Variants in CNOT1 observed in about 807,000 individuals in gnomAD.
The protein encoded by CNOT1 is CCR4-associated factor 1.
A neutral mutation model predicts 273.8 loss-of-function variants in CNOT1; 15 were observed. The ratio of observed to expected loss-of-function variants is 0.05; its 90% confidence interval spans 0.04 to 0.08. CNOT1 has a LOEUF of 0.08. Among genes scored for constraint, CNOT1 ranks in the 10% least tolerant of loss-of-function variants. The probability of loss-of-function intolerance (pLI) is 1.00; values close to 1 mark genes in which losing one functional copy is unlikely to be tolerated. For synonymous variants in CNOT1, 1,022 were observed against 1,005.5 expected, an observed-to-expected ratio of 1.02 and a Z score of -0.31; for missense variants, 1,644 against 2,912.2, an observed-to-expected ratio of 0.56 and a Z score of 10.02.
chr16:58,540,024 G>A, intron 34 of CNOT1, 65 bp from the exon 35 acceptor site: 3 of 1,500,288 alleles, frequency 2.0e-6, no homozygotes, highest in South Asian at 2.6e-5. Context: ...ATTGACACAT[G>A]TATCAAATAG....
At chr16:58,618,372 A>G (rs1406913004) in intron 1 of CNOT1, among the ~76,000 whole-genome samples, 1 of 152,104 alleles carries the variant, frequency 6.6e-6, no homozygotes, top group Non-Finnish European at 1.5e-5. Flanking sequence ...TCACGAGGTC[A>G]GGAGTTCGAG....
chr16:58,530,964 A>C (rs1450498920), intron 42 of CNOT1, among the ~76,000 whole-genome samples: 1 of 152,182 alleles, frequency 6.6e-6, no homozygotes. Context: ...AACTTCCGAG[A>C]GAACACAAAA....
At chr16:58,599,995 A>T (rs1345245170) in intron 1 of CNOT1, among the ~76,000 whole-genome samples, 1 of 151,722 alleles carries the variant, frequency 6.6e-6, no homozygotes, top group African/African-American at 2.4e-5. Flanking sequence ...ACTAGGAGGC[A>T]GAGGGTGCAG....
In CNOT1 at chr16:58,520,999, T is replaced by G; in HGVS notation, c.7090A>C (p.Lys2364Gln). 3 of 1,614,086 alleles carry G rather than the reference T, an allele frequency of 1.9e-6. No homozygotes were observed. Among genetic ancestry groups the G allele is most frequent in the Non-Finnish European group, 2.5e-6 (3 of 1,180,042 alleles). ...CCTTCCATTACTTGCTGGGCCTGCT[T>G]CTGTCCCATGCAGCACTGTGCGACC... is the stretch of plus-strand genomic sequence containing the variant. ...QSVAQCCMGQ[K>Q]QAQQVMEGTG... The change falls in exon 49 of 49, where the codon AAG becomes CAG. Residue 2364 changes from lysine to glutamine, a missense_variant. Coordinates refer to ENST00000317147, the MANE Select transcript of CNOT1 (RefSeq NM_016284.5).
intron 12 of CNOT1, among the ~76,000 whole-genome samples, chr16:58,579,196 A>G (rs888766102): frequency 2.6e-5 from 4 of 152,204 alleles, no homozygotes; most frequent in African/African-American, 9.7e-5. Flanking sequence ...AATGAAGTAA[A>G]CACCATGAGA....
chr16:58,624,691 G>C (rs1396931708), intron 1 of CNOT1: 1 of 152,030 alleles, frequency 6.6e-6, no homozygotes, highest in African/African-American at 2.4e-5. Flanking sequence ...CCAGCTACTC[G>C]GGAGGCTGAG....
chr16:58,557,540 G>A (rs35832551), intron 18 of CNOT1, among the ~76,000 whole-genome samples: 1 of 152,138 alleles, frequency 6.6e-6, no homozygotes, highest in Non-Finnish European at 1.5e-5. Flanking sequence ...TGACAACATG[G>A]AAGTCCTTAG....
rs116079966 is a variant in CNOT1, at chr16:58,525,410, A to G, written c.6604-51T>C. 14 of 1,494,426 alleles carry G rather than the reference A, an allele frequency of 9.4e-6. No individual in the cohort carries two copies. In the African/African-American group the frequency reaches 1.9e-4, roughly 21 times the overall value. The allele number at this position is 1,494,426 out of a possible 1,614,324, so 92.6% of individuals were successfully genotyped here. ...TTATGCTTACTCCTGCAGAGGACCA[A>G]TTCTAGCACCAGTATTTCTAAACCC... On this transcript the variant is annotated intron_variant, in intron 45 of 48. Transcript: ENST00000317147.
chr16:58,620,023 T>C (rs1218530683), intron 1 of CNOT1, among the ~76,000 whole-genome samples: 1 of 152,104 alleles, frequency 6.6e-6, no homozygotes, highest in Non-Finnish European at 1.5e-5. Context: ...TCCTCTGAAA[T>C]GTTACTTGCT....
intron 29 of CNOT1, among the ~76,000 whole-genome samples, 189 bp from the exon 30 acceptor site, chr16:58,545,680 C>T (rs369577038): frequency 1.8e-4 from 27 of 152,272 alleles, no homozygotes; most frequent in South Asian, 6.2e-4. Context: ...GAGATATACA[C>T]GAAGTATGTT....
In CNOT1 at chr16:58,519,964, T is replaced by C. The variant is rs2039305479; in HGVS notation, c.*994A>G. ...AGTGGACTCATGTGTGTGTCATGAC[T>C]TTAATGGTTAGCTACAGTATGCATA... On this transcript the variant is annotated 3_prime_UTR_variant, in exon 49 of 49. Transcript: ENST00000317147. The C allele has an allele frequency of 6.6e-6, 1 of 152,220 alleles. No homozygotes were observed. The highest frequency in any genetic ancestry group is 2.1e-4 in the South Asian group (1 of 4,832). 9.4% of individuals were successfully genotyped at this position (152,220 alleles called of 1,614,324 possible).
intron 44 of CNOT1, 79 bp from the exon 45 acceptor site, chr16:58,526,217 T>C: frequency 6.6e-7 from 1 of 1,510,190 alleles, no homozygotes; most frequent in South Asian, 1.2e-5. Flanking sequence ...GTGGTGGGAC[T>C]GTTTTTCTAA....
chr16:58,568,699 A>G (rs918657547), intron 16 of CNOT1, among the ~76,000 whole-genome samples: 10 of 146,908 alleles, frequency 6.8e-5, no homozygotes, highest in Admixed American at 3.4e-4. Context: ...AAAAAGAGAG[A>G]AAAAAAAAAA....
Position 58,560,196 on chromosome 16 carries a change from T to C in CNOT1, c.2130+16A>G, listed in dbSNP as rs1193090777. On this transcript the variant is annotated intron_variant, in intron 17 of 48. Coordinates refer to ENST00000317147, the MANE Select transcript of CNOT1 (RefSeq NM_016284.5). ...CTATGGCAAATGAAGATGTATCAAA[T>C]GTAGCACTCATTTACCTGAACAGGA... 2 of 1,612,706 alleles carry C rather than the reference T, an allele frequency of 1.2e-6. No homozygotes were observed. The highest frequency in any genetic ancestry group is 1.1e-5 in the South Asian group (1 of 90,824).
intron 2 of CNOT1, chr16:58,597,645 C>T (rs142334398): frequency 3.4e-4 from 154 of 457,574 alleles, no homozygotes; most frequent in African/African-American, 2.9e-3. Context: ...AGATGCTATG[C>T]CAAAGAGGAA....
At chr16:58,574,886 GTTGT>G in intron 15 of CNOT1, 117 bp downstream of exon 15, 4 of 1,558,930 alleles carry the variant, frequency 2.6e-6, no homozygotes, top group Non-Finnish European at 3.4e-6. Flanking sequence ...ATTTAAAAAA[GTTGT>G]TTCTTTCAAA....
intron 31 of CNOT1, among the ~76,000 whole-genome samples, 191 bp from the exon 32 acceptor site, chr16:58,542,759 C>G (rs1209404907): frequency 1.3e-5 from 2 of 152,116 alleles, no homozygotes; most frequent in African/African-American, 4.8e-5. Context: ...CAAAAATATC[C>G]TAGACACCTT....
At chr16:58,523,581 G>A (rs1937007582) in intron 46 of CNOT1, 79 bp from the exon 47 acceptor site, 2 of 1,391,148 alleles carry the variant, frequency 1.4e-6, no homozygotes, top group Non-Finnish European at 2.0e-6. Flanking sequence ...GCTAGGGTTT[G>A]GGTTTCTGAC....
intron 2 of CNOT1, among the ~76,000 whole-genome samples, chr16:58,591,473 G>A (rs1003466165): frequency 1.3e-5 from 2 of 152,208 alleles, no homozygotes; most frequent in East Asian, 1.9e-4. Context: ...TTAACTATGC[G>A]CCGGACTCGG....
Sources: allele counts gnomAD v4.1 joint callset (sites outside exome capture counted in the v4.1 genomes callset), GRCh38; gene constraint gnomAD v4.1.1; transcripts MANE v1.5; gene names NCBI Gene and HGNC (gene_info 2026-07-23, HGNC 2026-07-21).